MYO5A: variants seen among roughly 807,000 people sequenced by gnomAD.
MYO5A encodes the protein myosin VA, also known as unconventional myosin-Va.
Under a neutral mutation model 249.7 loss-of-function variants are expected in MYO5A, and 98 were observed. That is an observed-to-expected ratio of 0.39 (90% CI 0.33 to 0.46). The LOEUF is 0.46. MYO5A is among the 20% of genes least tolerant of loss of function. The pLI is 0.98. For synonymous variants in MYO5A, 778 were observed against 810.6 expected, an observed-to-expected ratio of 0.96 and a Z score of 0.68; for missense variants, 1,696 against 2,308.8, an observed-to-expected ratio of 0.73 and a Z score of 5.44.
chr15:52,378,580 A>C (rs1361503157), intron 18 of MYO5A, among the ~76,000 whole-genome samples: 1 of 149,544 alleles, frequency 6.7e-6, no homozygotes, highest in Non-Finnish European at 1.5e-5. Flanking sequence ...AAAAAAAAAA[A>C]AGCATTGCTG....
At chr15:52,477,163 C>G (rs1195870272) in intron 1 of MYO5A, among the ~76,000 whole-genome samples, 2 of 152,278 alleles carry the variant, frequency 1.3e-5, no homozygotes, top group East Asian at 3.9e-4. Context: ...CACTCATATC[C>G]TTTCTTCCAG....
At chr15:52,496,816 C>T (rs910067021) in intron 1 of MYO5A, among the ~76,000 whole-genome samples, 12 of 152,306 alleles carry the variant, frequency 7.9e-5, no homozygotes, top group Middle Eastern at 3.4e-3. Context: ...CCTCAGTCAA[C>T]CCCATGAGGT....
At chr15:52,379,065 C>T (rs1027093138) in intron 18 of MYO5A, among the ~76,000 whole-genome samples, 1 of 152,210 alleles carries the variant, frequency 6.6e-6, no homozygotes, top group African/African-American at 2.4e-5. Flanking sequence ...GCTTACCCTG[C>T]TCTTACTCCC....
intron 15 of MYO5A, 119 bp downstream of exon 15, chr15:52,384,042 T>C (rs2041874164): frequency 8.1e-7 from 1 of 1,230,488 alleles, no homozygotes; most frequent in African/African-American, 1.5e-5. Context: ...GATCTCACAG[T>C]GAAAGCTCTA....
intron 35 of MYO5A, 106 bp downstream of exon 35, chr15:52,330,247 T>C (rs1596300328): frequency 2.8e-6 from 4 of 1,423,278 alleles, no homozygotes; most frequent in South Asian, 2.3e-5. Context: ...TATCTGATGA[T>C]GACTAATGAA....
intron 1 of MYO5A, among the ~76,000 whole-genome samples, chr15:52,520,240 A>G (rs994801732): frequency 1.3e-5 from 2 of 152,294 alleles, no homozygotes; most frequent in African/African-American, 4.8e-5. Flanking sequence ...CCAATGGCGA[A>G]CAGCTCACAG....
chr15:52,349,996 G>A (rs1028793442), intron 28 of MYO5A, among the ~76,000 whole-genome samples: 2 of 152,242 alleles, frequency 1.3e-5, no homozygotes, highest in Non-Finnish European at 1.5e-5. Flanking sequence ...GCAGTGGCAC[G>A]ATCTCGGCTC....
rs546802411 is a variant in MYO5A, at chr15:52,505,985, G to A, written c.27+22795C>T. The A allele has an allele frequency of 8.4e-6, 7 of 831,410 alleles. No individual in the cohort carries two copies. In the South Asian group the frequency reaches 1.1e-4, roughly 13 times the overall value. The allele number at this position is 831,410 out of a possible 1,614,324, so 51.5% of individuals were successfully genotyped here. The stretch of plus-strand genomic sequence containing the variant: ...TCCCATCACTTTGGGAGGCTGAGGA[G>A]GGCAGATATCTTGAGGTCAGGAGTT... On this transcript the variant is annotated intron_variant, in intron 1 of 41. Coordinates refer to ENST00000399233, the MANE Select transcript of MYO5A (RefSeq NM_001382347.1).
intron 35 of MYO5A, among the ~76,000 whole-genome samples, chr15:52,329,487 G>A (rs1156340262): frequency 6.6e-6 from 1 of 152,218 alleles, no homozygotes; most frequent in African/African-American, 2.4e-5. Flanking sequence ...AAAGCCAGCA[G>A]GCTCAGACCC....
intron 5 of MYO5A, among the ~76,000 whole-genome samples, chr15:52,415,019 G>T (rs1031935926): frequency 1.3e-5 from 2 of 152,016 alleles, no homozygotes; most frequent in Non-Finnish European, 2.9e-5. Context: ...CCAAAAAGTA[G>T]AAGTCCTGCT....
At position 52,368,341 on chromosome 15, in the gene MYO5A, G is replaced by A. The variant is rs2040917694; in HGVS notation, c.3067-1217C>T. On this transcript the variant is annotated intron_variant, in intron 22 of 41. Coordinates refer to ENST00000399233, the MANE Select transcript of MYO5A (RefSeq NM_001382347.1). Reference sequence around the variant, plus strand: ...CAGCTCTCTGTGGGCTTTCAGGAGAGGCTCTTGTTTGGTAGGGGTGCACAA... The same window carrying A: ...CAGCTCTCTGTGGGCTTTCAGGAGAAGCTCTTGTTTGGTAGGGGTGCACAA... Among the ~76,000 whole-genome samples, 3 of 152,104 alleles carry A rather than the reference G, an allele frequency of 2.0e-5. No individual in the cohort carries two copies. In the South Asian group the frequency reaches 6.2e-4, roughly 32 times the overall value.
At chr15:52,354,139 A>C in intron 25 of MYO5A, 125 bp from the exon 26 acceptor site, 2 of 1,136,278 alleles carry the variant, frequency 1.8e-6, no homozygotes, top group Admixed American at 2.5e-5. Context: ...AAACATCTAG[A>C]GAATATATTT....
intron 34 of MYO5A, among the ~76,000 whole-genome samples, chr15:52,333,335 A>C (rs2038974161): frequency 6.6e-6 from 1 of 152,248 alleles, no homozygotes; most frequent in Admixed American, 6.5e-5. Flanking sequence ...GAAAGTTTTA[A>C]AAAAATTTAC....
At chr15:52,409,046 C>T (rs929212350) in intron 6 of MYO5A, among the ~76,000 whole-genome samples, 6 of 151,998 alleles carry the variant, frequency 3.9e-5, no homozygotes, top group Non-Finnish European at 8.8e-5. Context: ...TACAAGTATG[C>T]CTTTTCTGAT....
intron 1 of MYO5A, among the ~76,000 whole-genome samples, chr15:52,463,689 C>T (rs1278515409): frequency 6.6e-6 from 1 of 152,194 alleles, no homozygotes; most frequent in African/African-American, 2.4e-5. Context: ...ATCAAAAGCA[C>T]TTCCTTTTAT....
At chr15:52,465,748 C>T (rs1037801387) in intron 1 of MYO5A, among the ~76,000 whole-genome samples, 1 of 151,990 alleles carries the variant, frequency 6.6e-6, no homozygotes, top group Non-Finnish European at 1.5e-5. Flanking sequence ...TTTTTTCGCC[C>T]AAGATGGCTG....
At chr15:52,508,038 T>C (rs1048720334) in intron 1 of MYO5A, among the ~76,000 whole-genome samples, 3 of 152,128 alleles carry the variant, frequency 2.0e-5, no homozygotes, top group Non-Finnish European at 4.4e-5. Flanking sequence ...AACTTGCTTA[T>C]GGTCACACAA....
chr15:52,433,858 CCTGAAAGTATAATTTT>C (rs976752946), intron 1 of MYO5A, among the ~76,000 whole-genome samples: 13 of 152,116 alleles, frequency 8.5e-5, no homozygotes, highest in Non-Finnish European at 1.9e-4. Context: ...GTAAATGCCA[CCTGAAAGTATAATTTT>C]AGGTTAAAAT....
chr15:52,495,107 T>A (rs2077011988), intron 1 of MYO5A, among the ~76,000 whole-genome samples: 1 of 152,160 alleles, frequency 6.6e-6, no homozygotes, highest in African/African-American at 2.4e-5. Flanking sequence ...AAAATTAAAT[T>A]GACTTTAAAA....
Sources: allele counts gnomAD v4.1 joint callset (sites outside exome capture counted in the v4.1 genomes callset), GRCh38; gene constraint gnomAD v4.1.1; transcripts MANE v1.5; gene names NCBI Gene and HGNC (gene_info 2026-07-23, HGNC 2026-07-21).